Variants in ADGRB3 observed in about 807,000 individuals in gnomAD.
ADGRB3 encodes brain-specific angiogenesis inhibitor 3.
In ADGRB3, 37 loss-of-function variants were observed where a neutral mutation model predicts 193.4. The observed-to-expected ratio is 0.19, with a 90% CI of 0.15 to 0.25. ADGRB3 has a LOEUF of 0.25. ADGRB3 is among the 10% of genes least tolerant of loss of function. The probability of loss-of-function intolerance (pLI) is 1.00; values close to 1 mark genes in which losing one functional copy is unlikely to be tolerated. For synonymous variants in ADGRB3, 690 were observed against 644.2 expected, an observed-to-expected ratio of 1.07 and a Z score of -1.08; for missense variants, 1,637 against 1,852.9, an observed-to-expected ratio of 0.88 and a Z score of 2.14.
intron 3 of ADGRB3, among the ~76,000 whole-genome samples, chr6:68,755,535 G>A (rs1009027164): frequency 2.6e-5 from 4 of 152,166 alleles, no homozygotes; most frequent in African/African-American, 7.2e-5. Context: ...CGAGAATGAA[G>A]TTGACATAGA....
chr6:69,208,561 C>T (rs1446794844), intron 17 of ADGRB3, among the ~76,000 whole-genome samples: 1 of 152,212 alleles, frequency 6.6e-6, no homozygotes, highest in Non-Finnish European at 1.5e-5. Flanking sequence ...TAGAAAGGGG[C>T]TGTCATGCTG....
intron 15 of ADGRB3, among the ~76,000 whole-genome samples, chr6:69,050,176 GA>G (rs1452740740): frequency 6.6e-6 from 1 of 152,098 alleles, no homozygotes; most frequent in African/African-American, 2.4e-5. Context: ...TTATACTGCG[GA>G]CAAAACAAAT....
At chr6:69,044,768 G>A (rs1357356828) in intron 13 of ADGRB3, among the ~76,000 whole-genome samples, 1 of 152,148 alleles carries the variant, frequency 6.6e-6, no homozygotes, top group Non-Finnish European at 1.5e-5. Context: ...ATGAAAACAC[G>A]ATACAGTGAA....
chr6:69,102,856 C>T (rs1773103745), intron 17 of ADGRB3, among the ~76,000 whole-genome samples: 1 of 152,158 alleles, frequency 6.6e-6, no homozygotes, highest in Non-Finnish European at 1.5e-5. Context: ...TATCACTATG[C>T]AGCTATTTCA....
chr6:68,883,191 G>C (rs556277883), intron 3 of ADGRB3, among the ~76,000 whole-genome samples: 1 of 152,292 alleles, frequency 6.6e-6, no homozygotes, highest in South Asian at 2.1e-4. Flanking sequence ...AGTGCTCTGT[G>C]TCTAATCTGG....
intron 26 of ADGRB3, among the ~76,000 whole-genome samples, chr6:69,347,228 G>A (rs1208632608): frequency 2.0e-5 from 3 of 152,000 alleles, no homozygotes; most frequent in South Asian, 2.1e-4. Flanking sequence ...CCTAGGGGAG[G>A]GATAGCATTA....
chr6:69,155,237 A>G (rs895844577), intron 17 of ADGRB3, among the ~76,000 whole-genome samples: 6 of 152,186 alleles, frequency 3.9e-5, no homozygotes, highest in African/African-American at 1.4e-4. Flanking sequence ...TCATGCCGTG[A>G]CAATGTTTGC....
rs561066594 is a variant in ADGRB3, at chr6:69,316,264, A to G, written c.2815-8608A>G. ...TTATATTTCATACTCTAAGAAACTC[A>G]TCACTGTAATAATAAAATAATATTT... On this transcript the variant is annotated intron_variant, in intron 20 of 31. Transcript: ENST00000370598. Among the ~76,000 whole-genome samples, 5 of 151,620 alleles carry G rather than the reference A, an allele frequency of 3.3e-5. No homozygotes were observed. The East Asian group carries it at 9.7e-4, about 29-fold the overall frequency.
intron 3 of ADGRB3, among the ~76,000 whole-genome samples, chr6:68,903,553 T>C (rs1201558789): frequency 6.6e-6 from 1 of 152,156 alleles, no homozygotes; most frequent in Non-Finnish European, 1.5e-5. Flanking sequence ...TACTTGCAAC[T>C]GAATTGCTGC....
At chr6:68,800,088 A>T (rs2127370447) in intron 3 of ADGRB3, among the ~76,000 whole-genome samples, 1 of 152,124 alleles carries the variant, frequency 6.6e-6, no homozygotes, top group East Asian at 1.9e-4. Context: ...GACTTGAAAA[A>T]CCACTGCAGC....
At chr6:69,294,598 A>G (rs974789874) in intron 20 of ADGRB3, among the ~76,000 whole-genome samples, 9 of 152,154 alleles carry the variant, frequency 5.9e-5, no homozygotes, top group African/African-American at 1.9e-4. Context: ...TCATTCTACT[A>G]GGACAGTGCA....
intron 3 of ADGRB3, among the ~76,000 whole-genome samples, chr6:68,706,708 A>T (rs1340352866): frequency 6.6e-6 from 1 of 152,232 alleles, no homozygotes; most frequent in Non-Finnish European, 1.5e-5. Flanking sequence ...TTTGGGACTT[A>T]ATGAGAACTA....
At chr6:68,884,177 T>A (rs1479185866) in intron 3 of ADGRB3, among the ~76,000 whole-genome samples, 1 of 152,214 alleles carries the variant, frequency 6.6e-6, no homozygotes, top group African/African-American at 2.4e-5. Flanking sequence ...CAATATAGGC[T>A]TTAACATATA....
intron 3 of ADGRB3, among the ~76,000 whole-genome samples, chr6:68,861,619 A>T (rs1307235667): frequency 6.6e-6 from 1 of 152,198 alleles, no homozygotes; most frequent in East Asian, 1.9e-4. Context: ...CAGTTATGCA[A>T]ATATGCAAAT....
chr6:69,171,254 T>C (rs1282005480), intron 17 of ADGRB3, among the ~76,000 whole-genome samples: 1 of 152,222 alleles, frequency 6.6e-6, no homozygotes, highest in East Asian at 1.9e-4. Flanking sequence ...ACTTCCATGT[T>C]GGCCAGCATA....
At chr6:69,268,829 C>T (rs1459846324) in intron 20 of ADGRB3, among the ~76,000 whole-genome samples, 1 of 152,076 alleles carries the variant, frequency 6.6e-6, no homozygotes, top group East Asian at 1.9e-4. Context: ...GGTCTAGGGG[C>T]AGGACTGGTT....
intron 31 of ADGRB3, among the ~76,000 whole-genome samples, chr6:69,386,987 C>A (rs1770085383): frequency 6.6e-6 from 1 of 152,094 alleles, no homozygotes; most frequent in Admixed American, 6.6e-5. Context: ...CTCCAGGCAT[C>A]ATTCCAGGTT....
At chr6:69,330,298 T>C (rs1263623960) in intron 22 of ADGRB3, among the ~76,000 whole-genome samples, 1 of 152,210 alleles carries the variant, frequency 6.6e-6, no homozygotes, top group African/African-American at 2.4e-5. Flanking sequence ...AAAACTTTCT[T>C]TTGAGTTAGA....
chr6:69,185,269 A>T (rs1319479761), intron 17 of ADGRB3, among the ~76,000 whole-genome samples: 1 of 152,174 alleles, frequency 6.6e-6, no homozygotes, highest in Admixed American at 6.5e-5. Flanking sequence ...CCTAGCTGAA[A>T]CAGAGAAGAG....
Sources: gnomAD v4.1 joint callset for allele counts (sites outside exome capture counted in the v4.1 genomes callset) on GRCh38, gnomAD v4.1.1 for gene constraint, MANE v1.5 for transcripts, NCBI Gene and HGNC (gene_info 2026-07-23, HGNC 2026-07-21) for gene names.